RIPOR2: variants seen among roughly 807,000 people sequenced by gnomAD.
The protein encoded by RIPOR2 is rho family-interacting cell polarization regulator 2.
In RIPOR2, 39 loss-of-function variants were observed where a neutral mutation model predicts 114.5. The ratio of observed to expected loss-of-function variants is 0.34; its 90% confidence interval spans 0.26 to 0.44. The LOEUF (loss-of-function observed/expected upper bound fraction) is 0.44. RIPOR2 is among the 20% of genes least tolerant of loss of function. The probability of loss-of-function intolerance (pLI) is 1.00; values close to 1 mark genes in which losing one functional copy is unlikely to be tolerated. For synonymous variants in RIPOR2, 445 were observed against 484.4 expected, an observed-to-expected ratio of 0.92 and a Z score of 1.07; for missense variants, 1,007 against 1,255.1, an observed-to-expected ratio of 0.80 and a Z score of 2.99.
chr6:24,974,501 A>C (rs1276845789), intron 1 of RIPOR2, among the ~76,000 whole-genome samples: 2 of 152,238 alleles, frequency 1.3e-5, no homozygotes, highest in Non-Finnish European at 2.9e-5. Flanking sequence ...TGGCTACAAC[A>C]CACTGATAAT....
At chr6:24,900,821 GTGT>G (rs1009848792) in intron 1 of RIPOR2, among the ~76,000 whole-genome samples, 2 of 152,156 alleles carry the variant, frequency 1.3e-5, no homozygotes, top group Non-Finnish European at 2.9e-5. Context: ...TTGCATTTAT[GTGT>G]TGTTGTTGTT....
At chr6:25,007,328 T>C (rs1466610931) in intron 1 of RIPOR2, among the ~76,000 whole-genome samples, 1 of 152,152 alleles carries the variant, frequency 6.6e-6, no homozygotes, top group East Asian at 1.9e-4. Context: ...GTTGGTCTTA[T>C]CCTGTGGGTT....
chr6:24,924,303 A>T lies in RIPOR2; in HGVS notation c.61+11535T>A, dbSNP rs184297274. On this transcript the variant is annotated intron_variant, in intron 1 of 21. Coordinates refer to ENST00000643898, the MANE Select transcript of RIPOR2 (RefSeq NM_001286445.3). ...AGACAGCTTTGAGTCATGCTTGCCT[A>T]TCACTCATTATCATGCATTATGGTT... Among the ~76,000 whole-genome samples the T allele has an allele frequency of 3.3e-5, 5 of 152,312 alleles. No homozygotes were observed. In the East Asian group the frequency reaches 9.6e-4, roughly 29 times the overall value.
At chr6:24,981,585 G>T (rs1436744923) in intron 1 of RIPOR2, among the ~76,000 whole-genome samples, 1 of 152,178 alleles carries the variant, frequency 6.6e-6, no homozygotes, top group African/African-American at 2.4e-5. Flanking sequence ...AGTGGGCCCA[G>T]GGTCTCCTGG....
At position 24,830,693 on chromosome 6, in the gene RIPOR2, C is replaced by T. The variant is rs1007402035; in HGVS notation, c.2345-23G>A. On this transcript the variant is annotated intron_variant, in intron 16 of 21. Transcript: ENST00000643898. ...TGGCTGGAAAAGAAGAGCAACCCCC[C>T]ATCTCGTAACACATTTTATTTTATT... is the stretch of plus-strand genomic sequence containing the variant. The T allele has an allele frequency of 4.6e-6, 7 of 1,536,956 alleles. No individual in the cohort carries two copies. In the East Asian group the frequency reaches 1.7e-4, roughly 38 times the overall value.
At chr6:24,957,111 A>C (rs959510494) in intron 1 of RIPOR2, among the ~76,000 whole-genome samples, 1 of 152,236 alleles carries the variant, frequency 6.6e-6, no homozygotes, top group Non-Finnish European at 1.5e-5. Context: ...TTATTGGTAC[A>C]TTTGCTTAAT....
chr6:24,844,536 T>A (rs1182036427), intron 12 of RIPOR2, among the ~76,000 whole-genome samples: 1 of 151,952 alleles, frequency 6.6e-6, no homozygotes, highest in Non-Finnish European at 1.5e-5. Flanking sequence ...AATGGTGCGA[T>A]CTCAGCTCAC....
chr6:24,897,307 G>A (rs1375456050), intron 1 of RIPOR2, among the ~76,000 whole-genome samples: 3 of 152,214 alleles, frequency 2.0e-5, no homozygotes, highest in Non-Finnish European at 4.4e-5. Context: ...GGCAGGATGA[G>A]TTTATTGTTT....
intron 1 of RIPOR2, among the ~76,000 whole-genome samples, chr6:24,925,601 C>CT (rs1401154593): frequency 2.6e-5 from 4 of 152,022 alleles, no homozygotes; most frequent in Non-Finnish European, 5.9e-5. Flanking sequence ...ACTCAGGAGG[C>CT]TGAGGCAGGA....
chr6:24,892,862 T>G (rs1767501557), intron 1 of RIPOR2, among the ~76,000 whole-genome samples: 1 of 152,190 alleles, frequency 6.6e-6, no homozygotes, highest in African/African-American at 2.4e-5. Flanking sequence ...TTTAAGATAC[T>G]TGGGATGTTT....
chr6:24,983,122 CAA>C (rs1190415542), intron 1 of RIPOR2, among the ~76,000 whole-genome samples: 2 of 151,966 alleles, frequency 1.3e-5, no homozygotes, highest in African/African-American at 4.8e-5. Flanking sequence ...TTGCAGTCCG[CAA>C]ACTTGGCCCA....
chr6:24,976,319 G>A (rs2113564712), intron 1 of RIPOR2: 1 of 813,584 alleles, frequency 1.2e-6, no homozygotes, highest in South Asian at 1.7e-5. Flanking sequence ...CTTAAATTGT[G>A]TTTTTAAAAA....
chr6:24,825,594 A>G (rs565816945), intron 18 of RIPOR2, among the ~76,000 whole-genome samples, 166 bp from the exon 19 acceptor site: 3 of 152,380 alleles, frequency 2.0e-5, no homozygotes, highest in Admixed American at 2.0e-4. Flanking sequence ...TGGTGAGAAA[A>G]GGACAGACTA....
intron 19 of RIPOR2, among the ~76,000 whole-genome samples, chr6:24,819,662 A>ATTTTT (rs35638159): frequency 9.7e-6 from 1 of 103,306 alleles, no homozygotes; most frequent in African/African-American, 3.3e-5. Context: ...CGCCCAGCTA[A>ATTTTT]TTTTTTTTTT....
At chr6:24,821,298 T>C (rs1201653815) in intron 19 of RIPOR2, among the ~76,000 whole-genome samples, 1 of 151,442 alleles carries the variant, frequency 6.6e-6, no homozygotes. Context: ...TTCTCCTGCC[T>C]CAGCCTCCCA....
intron 1 of RIPOR2, among the ~76,000 whole-genome samples, chr6:25,029,726 C>T (rs189427203): frequency 6.6e-6 from 1 of 152,094 alleles, no homozygotes; most frequent in African/African-American, 2.4e-5. Context: ...CTTAAAAAAA[C>T]CAGATATCTT....
At chr6:24,910,826 G>A (rs1319099006) in intron 1 of RIPOR2, 1 of 985,312 alleles carries the variant, frequency 1.0e-6, no homozygotes, top group East Asian at 1.1e-4. Context: ...ACCTAACGAC[G>A]ACGGCTCCTT....
chr6:24,978,241 G>A (rs1268827527), intron 1 of RIPOR2, among the ~76,000 whole-genome samples: 1 of 151,962 alleles, frequency 6.6e-6, no homozygotes, highest in Non-Finnish European at 1.5e-5. Context: ...GCTGAAGGTC[G>A]CCACTGGCAC....
chr6:25,001,865 A>ATT (rs1041729409), intron 1 of RIPOR2, among the ~76,000 whole-genome samples: 2 of 150,304 alleles, frequency 1.3e-5, no homozygotes, highest in African/African-American at 4.9e-5. Context: ...ATGCCTGGCT[A>ATT]TTTTTTTCTT....
Sources: allele counts gnomAD v4.1 joint callset (sites outside exome capture counted in the v4.1 genomes callset), GRCh38; gene constraint gnomAD v4.1.1; transcripts MANE v1.5; gene names NCBI Gene and HGNC (gene_info 2026-07-23, HGNC 2026-07-21).